DHRS4L2: variants seen among roughly 807,000 people sequenced by gnomAD.
DHRS4L2 encodes dehydrogenase/reductase 4 like 2.
DHRS4L2 carries 22 observed loss-of-function variants against 23.9 expected under a neutral mutation model. That is an observed-to-expected ratio of 0.92 (90% CI 0.66 to 1.31). The LOEUF is 1.31. DHRS4L2 is among the 40% of genes most tolerant of loss of function. The pLI is 0.00. For missense variants in DHRS4L2, 385 were observed against 303.3 expected, an observed-to-expected ratio of 1.27 and a Z score of -2.00; for synonymous variants, 141 against 123.7, an observed-to-expected ratio of 1.14 and a Z score of -0.93.
chr14:23,999,373 AAC>A (rs1555330010), intron 3 of DHRS4L2, among the ~76,000 whole-genome samples: 9 of 123,736 alleles, frequency 7.3e-5, no homozygotes, highest in Admixed American at 3.4e-4. Flanking sequence ...AAAAAAAAAA[AAC>A]AATATCTGCA....
chr14:23,981,314 A>G, intron 1 of DHRS4L2, among the ~76,000 whole-genome samples: 1 of 151,768 alleles, frequency 6.6e-6, no homozygotes. Flanking sequence ...GGACACAAAC[A>G]AATGGAAAAA....
intron 3 of DHRS4L2, among the ~76,000 whole-genome samples, chr14:23,996,476 A>AAAC (rs1264464111): frequency 2.0e-5 from 3 of 150,680 alleles, no homozygotes; most frequent in Non-Finnish European, 3.0e-5. Context: ...TCTATATTAA[A>AAAC]AACAACAACA....
Position 23,982,114 on chromosome 14 carries a change from G to A in DHRS4L2, c.-175-8068G>A, listed in dbSNP as rs747787379. Among the ~76,000 whole-genome samples, 4 of 151,608 alleles carry A rather than the reference G, an allele frequency of 2.6e-5. 1 individual carries two copies. Among genetic ancestry groups the A allele is most frequent in the Non-Finnish European group, 4.4e-5 (3 of 67,904 alleles). ...GACGGTCAGGGCTCTCCCATCCCACGTGGCCATATTTCAGACTATCACATG... is the reference window on the plus strand; with the variant it reads ...GACGGTCAGGGCTCTCCCATCCCACATGGCCATATTTCAGACTATCACATG... On this transcript the variant is annotated intron_variant, in intron 1 of 5. Coordinates refer to the DHRS4L2 transcript ENST00000534993.
intron 1 of DHRS4L2, among the ~76,000 whole-genome samples, chr14:23,971,446 T>G (rs1275932335): frequency 6.6e-6 from 1 of 151,652 alleles, no homozygotes; most frequent in Non-Finnish European, 1.5e-5. Context: ...GAAGACAAGA[T>G]TAGAGACAAA....
chr14:24,001,393 C>T lies in DHRS4L2; in HGVS notation c.541C>T (p.Pro181Ser), dbSNP rs551390746. ...TCTCTTCTTTCTCCAGGGCTTCAGT[C>T]CTTACAATGTCAGTAAAACAGCCTT... ...AAFSPSPGFS[P>S]YNVSKTALLG... Residue 181 changes from proline to serine, a missense_variant, in exon 6 of 8, where the codon CCT becomes TCT. Transcript: ENST00000335125. 1.0e-5 allele frequency: 16 copies of T among 1,607,246 alleles called. 2 individuals are homozygous for T. The East Asian group carries it at 3.4e-4, about 34-fold the overall frequency.
chr14:23,986,841 G>C (rs1439739826), upstream of DHRS4L2, among the ~76,000 whole-genome samples: 2 of 151,514 alleles, frequency 1.3e-5, no homozygotes, highest in East Asian at 1.9e-4. Flanking sequence ...CCCTGGGAAG[G>C]GTTCCCACAG....
At chr14:23,994,187 G>C (rs1014631003) in intron 2 of DHRS4L2, among the ~76,000 whole-genome samples, 1 of 151,726 alleles carries the variant, frequency 6.6e-6, no homozygotes. Context: ...TTGACTTTGA[G>C]ATAATGGTAA....
chr14:23,987,637 T>C (rs1451098709), upstream of DHRS4L2, among the ~76,000 whole-genome samples: 3 of 151,708 alleles, frequency 2.0e-5, no homozygotes, highest in Non-Finnish European at 2.9e-5. Flanking sequence ...TCTGCTTTCA[T>C]CATCTTTTCT....
chr14:23,991,101 G>A (rs1204632081), intron 2 of DHRS4L2: 1 of 159,798 alleles, frequency 6.3e-6, no homozygotes, highest in Non-Finnish European at 1.3e-5. Context: ...TTATTTCCCA[G>A]AGTGGAAGGG....
At position 23,989,039 on chromosome 14, in the gene DHRS4L2, C is replaced by G; in HGVS notation, c.92C>G (p.Thr31Arg). The part of the protein sequence containing the change: ...SSRMTRRDPL[T>R]NKVALVTAST... ...AGGATGACCCGCCGGGACCCGCTCA[C>G]AAATAAGGTGGCCCTGGTAACGGCC... Residue 31 changes from threonine (T) to arginine (R), a missense_variant, in exon 1 of 8, where the codon ACA (threonine) becomes AGA (arginine). Coordinates refer to ENST00000335125, the MANE Select transcript of DHRS4L2 (RefSeq NM_198083.4). The G allele has an allele frequency of 6.3e-7, 1 of 1,599,148 alleles. No homozygotes were observed. Among genetic ancestry groups the G allele is most frequent in the Non-Finnish European group, 8.5e-7 (1 of 1,173,078 alleles).
chr14:23,983,302 A>T (rs1183122524), intron 1 of DHRS4L2, among the ~76,000 whole-genome samples: 1 of 151,836 alleles, frequency 6.6e-6, no homozygotes, highest in Non-Finnish European at 1.5e-5. Context: ...ACTGCTCATT[A>T]GAGACATGCA....
At chr14:23,978,854 C>T (rs1226506895) in intron 1 of DHRS4L2, among the ~76,000 whole-genome samples, 1 of 139,736 alleles carries the variant, frequency 7.2e-6, no homozygotes, top group Non-Finnish European at 1.5e-5. Flanking sequence ...ACCAAATTGT[C>T]AAGACTATTG....
chr14:24,000,895 G>C lies in DHRS4L2; in HGVS notation c.441G>C (p.Leu147=), dbSNP rs1197819057. 1 of 1,610,836 alleles carries C rather than the reference G, an allele frequency of 6.2e-7. No individual in the cohort carries two copies. The highest frequency in any genetic ancestry group is 8.5e-7 in the Non-Finnish European group (1 of 1,179,076). The change falls in exon 4 of 8, where the codon CTG becomes CTC. Residue 147 remains leucine, a synonymous_variant. Coordinates refer to ENST00000335125, the MANE Select transcript of DHRS4L2 (RefSeq NM_198083.4). The stretch of plus-strand genomic sequence containing the variant: ...ACATTAATGTGAAGGCCCCAGCCCT[G>C]ATGACAAAGGCAGTGGTGCCAGAAA... The part of the protein sequence containing the change: ...TLDINVKAPA[L]MTKAVVPEME...
intron 2 of DHRS4L2, among the ~76,000 whole-genome samples, chr14:23,994,126 T>A (rs1184991918): frequency 6.6e-6 from 1 of 151,794 alleles, no homozygotes; most frequent in African/African-American, 2.4e-5. Context: ...CAGGGTAACT[T>A]TCTTCAGCTC....
At position 23,991,971 on chromosome 14, in the gene DHRS4L2, G is replaced by C. The variant is rs1033626385; in HGVS notation, c.306+1612G>C. ...GGCTGGTCTTGAACTCCTGACCTCA[G>C]GTGATCCACCCCCTCGGCCTCTCAA... is the stretch of plus-strand genomic sequence containing the variant. On this transcript the variant is annotated intron_variant, in intron 2 of 7. Transcript: ENST00000335125. Among the ~76,000 whole-genome samples, 17 of 151,392 alleles carry C rather than the reference G, an allele frequency of 1.1e-4. 1 individual carries two copies. The highest frequency in any genetic ancestry group is 3.2e-4 in the African/African-American group (13 of 41,260).
At chr14:23,994,695 AAG>A (rs1401544896) in intron 2 of DHRS4L2, among the ~76,000 whole-genome samples, 4 of 151,870 alleles carry the variant, frequency 2.6e-5, no homozygotes, top group Admixed American at 2.6e-4. Context: ...CTAAAAAAGA[AAG>A]AAGCCAACCT....
chr14:24,000,997 A>G (rs2034475951), intron 4 of DHRS4L2, 36 bp from the exon 5 acceptor site: 4 of 1,611,320 alleles, frequency 2.5e-6, no homozygotes, highest in Non-Finnish European at 1.7e-6. Context: ...GCAGTGGTCC[A>G]CACTGGGAAG....
upstream of DHRS4L2, among the ~76,000 whole-genome samples, chr14:23,988,203 T>G (rs1218491810): frequency 6.7e-6 from 1 of 150,248 alleles, no homozygotes; most frequent in Non-Finnish European, 1.5e-5. Flanking sequence ...AGGGAGAACT[T>G]GAGTGCCCCG....
upstream of DHRS4L2, among the ~76,000 whole-genome samples, chr14:23,984,551 C>G (rs183953304): frequency 1.3e-5 from 2 of 151,472 alleles, no homozygotes; most frequent in Non-Finnish European, 2.9e-5. Flanking sequence ...AATCCCAGCA[C>G]TTTTGGAGGC....
Sources: allele counts gnomAD v4.1 joint callset (sites outside exome capture counted in the v4.1 genomes callset), GRCh38; gene constraint gnomAD v4.1.1; transcripts MANE v1.5; gene names NCBI Gene and HGNC (gene_info 2026-07-23, HGNC 2026-07-21).